Variants in SCFD2 observed in about 807,000 individuals in gnomAD.
SCFD2 encodes the protein sec1 family domain-containing protein 2.
In SCFD2, 54 loss-of-function variants were observed where a neutral mutation model predicts 58.9. That is an observed-to-expected ratio of 0.92 (90% CI 0.74 to 1.15). The LOEUF (loss-of-function observed/expected upper bound fraction) is 1.15. Ranked by LOEUF, SCFD2 falls within the 50% of genes most tolerant of loss-of-function variation. The pLI is 0.00. For synonymous variants in SCFD2, 321 were observed against 335.9 expected (o/e 0.96, Z 0.49); for missense variants, 805 against 836.6 (o/e 0.96, Z 0.47).
intron 5 of SCFD2, among the ~76,000 whole-genome samples, chr4:52,931,401 G>A (rs1375100165): frequency 6.6e-5 from 10 of 152,120 alleles, no homozygotes; most frequent in Non-Finnish European, 1.5e-4. Flanking sequence ...AACTGCTTTC[G>A]TCTTCTGAAC....
intron 4 of SCFD2, among the ~76,000 whole-genome samples, chr4:53,194,188 C>T (rs866027650): frequency 6.6e-6 from 1 of 152,110 alleles, no homozygotes; most frequent in African/African-American, 2.4e-5. Flanking sequence ...TATAGTTACA[C>T]TTTTGTCTCT....
intron 5 of SCFD2, among the ~76,000 whole-genome samples, chr4:53,013,680 G>C (rs919139705): frequency 3.9e-5 from 6 of 152,184 alleles, no homozygotes; most frequent in African/African-American, 1.4e-4. Context: ...TATGGCTTCT[G>C]AGAATAACTT....
intron 7 of SCFD2, among the ~76,000 whole-genome samples, chr4:52,887,204 C>T (rs900147188): frequency 6.6e-6 from 1 of 152,144 alleles, no homozygotes; most frequent in Admixed American, 6.5e-5. Context: ...TGAAAGAGAA[C>T]AGGGCCCATC....
chr4:53,243,046 A>G (rs1302884971), intron 4 of SCFD2, among the ~76,000 whole-genome samples: 21 of 152,330 alleles, frequency 1.4e-4, no homozygotes, highest in African/African-American at 5.1e-4. Context: ...AAGCAACTTG[A>G]AAAACATATT....
At chr4:53,056,909 C>T (rs1723356560) in intron 5 of SCFD2, among the ~76,000 whole-genome samples, 2 of 152,080 alleles carry the variant, frequency 1.3e-5, no homozygotes, top group East Asian at 3.9e-4. Context: ...ACAGGTTGGG[C>T]ACTGTGGCTC....
At chr4:52,913,647 A>G (rs1464715553) in intron 6 of SCFD2, among the ~76,000 whole-genome samples, 1 of 152,204 alleles carries the variant, frequency 6.6e-6, no homozygotes, top group Non-Finnish European at 1.5e-5. Context: ...TCCTGAAACC[A>G]CACCGCCCCA....
intron 4 of SCFD2, among the ~76,000 whole-genome samples, chr4:53,238,453 G>A (rs1335398779): frequency 6.7e-6 from 1 of 148,984 alleles, no homozygotes; most frequent in Non-Finnish European, 1.5e-5. Context: ...GCAGGGGGCT[G>A]ACCCCCCCAC....
At chr4:52,900,834 G>T in intron 7 of SCFD2, among the ~76,000 whole-genome samples, 1 of 152,190 alleles carries the variant, frequency 6.6e-6, no homozygotes, top group Non-Finnish European at 1.5e-5. Flanking sequence ...TGAGGCCTGA[G>T]CAATGGCGGG....
Position 53,056,943 on chromosome 4 carries a change from G to A in SCFD2, c.1561+88390C>T, listed in dbSNP as rs1723358080. Among the ~76,000 whole-genome samples, 3 of 152,176 alleles carry A rather than the reference G, an allele frequency of 2.0e-5. No homozygotes were observed. The South Asian group carries it at 6.2e-4, about 32-fold the overall frequency. On this transcript the variant is annotated intron_variant, in intron 5 of 8. Coordinates refer to ENST00000401642, the MANE Select transcript of SCFD2 (RefSeq NM_152540.4). Reference sequence around the variant, plus strand: ...TCATGTCTGTAATCCCAGCACTTTGGGAAGCCGAGGTGGCGGATCACTTGA... The same window carrying A: ...TCATGTCTGTAATCCCAGCACTTTGAGAAGCCGAGGTGGCGGATCACTTGA...
intron 5 of SCFD2, among the ~76,000 whole-genome samples, chr4:53,051,949 A>G (rs1459611263): frequency 6.6e-6 from 1 of 152,200 alleles, no homozygotes; most frequent in South Asian, 2.1e-4. Context: ...TGGTCCCTCA[A>G]TTAGATCTAA....
At chr4:53,074,568 A>G (rs1312902298) in intron 5 of SCFD2, among the ~76,000 whole-genome samples, 2 of 152,158 alleles carry the variant, frequency 1.3e-5, no homozygotes, top group African/African-American at 4.8e-5. Flanking sequence ...GTATTTCTTA[A>G]ATAATATGAC....
At chr4:53,247,687 G>A (rs1161166771) in intron 4 of SCFD2, among the ~76,000 whole-genome samples, 3 of 150,342 alleles carry the variant, frequency 2.0e-5, no homozygotes, top group South Asian at 2.1e-4. Context: ...GTGAAACCCC[G>A]TCTCTACTAA....
intron 5 of SCFD2, chr4:52,948,673 T>C (rs138654190): frequency 9.1e-5 from 36 of 393,840 alleles, no homozygotes; most frequent in African/African-American, 7.2e-4. Context: ...ATATGATTTG[T>C]TAACTCTGGA....
At chr4:53,070,983 G>A (rs1026173042) in intron 5 of SCFD2, among the ~76,000 whole-genome samples, 1 of 152,110 alleles carries the variant, frequency 6.6e-6, no homozygotes, top group African/African-American at 2.4e-5. Context: ...GATGTGCCAT[G>A]TGACTAAGTT....
At chr4:52,960,741 A>G (rs986612858) in intron 5 of SCFD2, among the ~76,000 whole-genome samples, 4 of 151,840 alleles carry the variant, frequency 2.6e-5, no homozygotes, top group Admixed American at 6.6e-5. Flanking sequence ...ACACACACAC[A>G]CACCACACAT....
At chr4:53,186,453 C>G (rs1438444071) in intron 4 of SCFD2, among the ~76,000 whole-genome samples, 2 of 151,908 alleles carry the variant, frequency 1.3e-5, no homozygotes, top group East Asian at 3.9e-4. Context: ...GCACGAAGAA[C>G]ATGTCCAGAA....
intron 3 of SCFD2, among the ~76,000 whole-genome samples, chr4:53,303,087 C>A (rs1732372951): frequency 6.6e-6 from 1 of 152,100 alleles, no homozygotes; most frequent in Non-Finnish European, 1.5e-5. Context: ...CAACAAAAGC[C>A]AAAATAGACA....
chr4:53,179,062 T>C (rs558874427), intron 4 of SCFD2, among the ~76,000 whole-genome samples: 14 of 152,324 alleles, frequency 9.2e-5, no homozygotes, highest in African/African-American at 3.4e-4. Context: ...TGGAACCAAG[T>C]TGGAAAACAC....
chr4:53,084,121 A>G (rs1395412917), intron 5 of SCFD2, among the ~76,000 whole-genome samples: 2 of 152,140 alleles, frequency 1.3e-5, no homozygotes, highest in African/African-American at 4.8e-5. Flanking sequence ...CACCCTAGTA[A>G]GCCTGAGGGT....
Sources: gnomAD v4.1 joint callset for allele counts (sites outside exome capture counted in the v4.1 genomes callset) on GRCh38, gnomAD v4.1.1 for gene constraint, MANE v1.5 for transcripts, NCBI Gene and HGNC (gene_info 2026-07-23, HGNC 2026-07-21) for gene names.